The following PUM1 variants were observed in gnomAD, a reference collection of about 807,000 sequenced individuals.
The protein encoded by PUM1 is pumilio RNA binding family member 1.
In PUM1, 13 loss-of-function variants were observed where a neutral mutation model predicts 131.8. The ratio of observed to expected loss-of-function variants is 0.10; its 90% CI spans 0.06 to 0.16. The LOEUF is 0.16. PUM1 is among the 10% of genes least tolerant of loss of function. The pLI is 1.00. For synonymous variants in PUM1, 509 were observed against 556.5 expected (o/e 0.91, Z 1.20); for missense variants, 961 against 1,512.4 (o/e 0.64, Z 6.05).
At chr1:30,938,586 CG>C (rs2124382244) in intron 20 of PUM1, among the ~76,000 whole-genome samples, 1 of 151,890 alleles carries the variant, frequency 6.6e-6, no homozygotes, top group African/African-American at 2.4e-5. Flanking sequence ...GATTCTCAGC[CG>C]GGCACGGTGG....
chr1:31,049,706 C>A (rs1172945054), intron 2 of PUM1, among the ~76,000 whole-genome samples: 3 of 151,818 alleles, frequency 2.0e-5, no homozygotes, highest in South Asian at 2.1e-4. Context: ...ATTTAAAAAA[C>A]CTTCTAAAAT....
chr1:30,974,578 C>A (rs957818251), intron 10 of PUM1, 73 bp downstream of exon 10: 2 of 1,396,192 alleles, frequency 1.4e-6, no homozygotes, highest in Non-Finnish European at 1.9e-6. Flanking sequence ...TTCTATTAGG[C>A]GCAATATTAC....
chr1:31,055,523 A>T (rs973401321), intron 2 of PUM1: 1 of 373,788 alleles, frequency 2.7e-6, no homozygotes, highest in East Asian at 7.9e-5. Context: ...CAATATACCA[A>T]CTACCCTGAG....
intron 2 of PUM1, among the ~76,000 whole-genome samples, chr1:31,045,467 G>A (rs898840257): frequency 2.0e-5 from 3 of 152,136 alleles, no homozygotes; most frequent in African/African-American, 7.2e-5. Context: ...ATCTTTAACA[G>A]GCCAGGCATG....
At chr1:30,961,708 G>A (rs1640415231) in intron 14 of PUM1, among the ~76,000 whole-genome samples, 1 of 151,850 alleles carries the variant, frequency 6.6e-6, no homozygotes, top group African/African-American at 2.4e-5. Context: ...CTGGGACAAA[G>A]TGTAAAAAAG....
At chr1:31,051,970 A>C (rs184843074) in intron 2 of PUM1, among the ~76,000 whole-genome samples, 55 of 152,292 alleles carry the variant, frequency 3.6e-4, no homozygotes, top group African/African-American at 1.3e-3. Flanking sequence ...TTATTCAGGA[A>C]AGAAAAAAAT....
At chr1:30,957,001 A>G (rs1640192231) in intron 14 of PUM1, among the ~76,000 whole-genome samples, 1 of 152,014 alleles carries the variant, frequency 6.6e-6, no homozygotes, top group Non-Finnish European at 1.5e-5. Flanking sequence ...CGCCTACAAA[A>G]ACGGTTAATA....
chr1:30,973,446 T>C (rs1187418418), intron 10 of PUM1, among the ~76,000 whole-genome samples: 1 of 152,110 alleles, frequency 6.6e-6, no homozygotes, highest in African/African-American at 2.4e-5. Flanking sequence ...TTACTAGGAA[T>C]TTTTTCCAAG....
chr1:30,987,610 G>A (rs1191517840), intron 7 of PUM1, among the ~76,000 whole-genome samples: 1 of 152,186 alleles, frequency 6.6e-6, no homozygotes, highest in East Asian at 1.9e-4. Flanking sequence ...AACACATTAT[G>A]CATGAACTGC....
chr1:31,023,927 A>G (rs1291264953), intron 3 of PUM1, among the ~76,000 whole-genome samples: 1 of 150,776 alleles, frequency 6.6e-6, no homozygotes, highest in East Asian at 1.9e-4. Flanking sequence ...TCTGTCTCAA[A>G]AAAAAAAAAA....
At chr1:30,975,932 TA>T (rs1557565239) in intron 9 of PUM1, among the ~76,000 whole-genome samples, 1 of 151,372 alleles carries the variant, frequency 6.6e-6, no homozygotes, top group African/African-American at 2.4e-5. Flanking sequence ...AAAAAATATA[TA>T]AAAAATTAGC....
Position 31,001,920 on chromosome 1 carries a change from T to A in PUM1, c.720+3933A>T, listed in dbSNP as rs1175357846. Among the ~76,000 whole-genome samples the A allele has an allele frequency of 2.6e-5, 4 of 152,212 alleles. No homozygotes were observed. In the South Asian group the frequency reaches 8.3e-4, roughly 32 times the overall value. ...CATACAAATCATCTGGGTAGTCTTG[T>A]CAAAATGCAGATTTTGATTCATTCG... On this transcript the variant is annotated intron_variant, in intron 5 of 21. Coordinates refer to ENST00000426105, the MANE Select transcript of PUM1 (RefSeq NM_001020658.2).
intron 20 of PUM1, among the ~76,000 whole-genome samples, chr1:30,938,876 GAGATAGAT>G (rs56230812): frequency 0.035 from 5,160 of 147,508 alleles, 264 homozygotes; most frequent in African/African-American, 0.11. Flanking sequence ...TTCATAGATA[GAGATAGAT>G]AGATAGATAG....
chr1:31,012,376 C>G lies in PUM1; in HGVS notation c.433-5274G>C, dbSNP rs146319605. On this transcript the variant is annotated intron_variant, in intron 3 of 21. Transcript: ENST00000426105. Reference sequence around the variant, plus strand: ...ACCATGACTTGGGGAGTCCTATCATCCCCAGCAATAAAATAAATAGACCTT... The same window carrying G: ...ACCATGACTTGGGGAGTCCTATCATGCCCAGCAATAAAATAAATAGACCTT... Among the ~76,000 whole-genome samples the G allele has an allele frequency of 5.1e-3, 770 of 151,942 alleles. 4 individuals carry two copies. Among genetic ancestry groups the G allele is most frequent in the East Asian group, 0.032 (166 of 5,182 alleles).
At chr1:30,942,856 A>T (rs990431785) in intron 18 of PUM1, among the ~76,000 whole-genome samples, 1 of 152,180 alleles carries the variant, frequency 6.6e-6, no homozygotes, top group Non-Finnish European at 1.5e-5. Flanking sequence ...CACTCAGGTC[A>T]TCCTCCTGCC....
intron 4 of PUM1, 145 bp downstream of exon 4, chr1:31,006,849 G>A (rs1642416139): frequency 1.7e-6 from 1 of 605,926 alleles, no homozygotes; most frequent in Non-Finnish European, 2.9e-6. Flanking sequence ...CATCATATAA[G>A]CTCCTTAATG....
chr1:30,945,321 A>G (rs1434901813), intron 18 of PUM1, 25 bp downstream of exon 18: 3 of 1,611,666 alleles, frequency 1.9e-6, no homozygotes, highest in Admixed American at 1.7e-5. Flanking sequence ...ATTTGTTTCC[A>G]TTATTTCTCT....
chr1:30,943,024 T>C (rs1319141091), intron 18 of PUM1, among the ~76,000 whole-genome samples: 1 of 152,084 alleles, frequency 6.6e-6, no homozygotes, highest in Admixed American at 6.5e-5. Flanking sequence ...CCAAAGTGCC[T>C]GGATTACAGG....
Position 30,980,176 on chromosome 1 carries a change from T to A in PUM1, c.1253-13A>T, listed in dbSNP as rs775842408. The A allele has an allele frequency of 6.2e-7, 1 of 1,608,266 alleles. No individual in the cohort carries two copies. The highest frequency in any genetic ancestry group is 8.5e-7 in the Non-Finnish European group (1 of 1,175,448). On this transcript the variant is annotated splice_polypyrimidine_tract_variant and intron_variant, in intron 8 of 21. Coordinates refer to ENST00000426105, the MANE Select transcript of PUM1 (RefSeq NM_001020658.2). The stretch of plus-strand genomic sequence containing the variant: ...GCGGGAGCTAAACCTGCTGAAAACA[T>A]ACCTGTCAGTAAAAACAAACTTGAC...
Sources: allele counts gnomAD v4.1 joint callset (sites outside exome capture counted in the v4.1 genomes callset), GRCh38; gene constraint gnomAD v4.1.1; transcripts MANE v1.5; gene names NCBI Gene and HGNC (gene_info 2026-07-23, HGNC 2026-07-21).